NPAS3: variants seen among roughly 807,000 people sequenced by gnomAD.
The protein encoded by NPAS3 is neuronal PAS domain protein 3, also known as neuronal PAS domain-containing protein 3.
Under a neutral mutation model 73.1 loss-of-function variants are expected in NPAS3, and 14 were observed. The observed-to-expected ratio is 0.19, with a 90% CI of 0.13 to 0.30. The LOEUF (loss-of-function observed/expected upper bound fraction) is 0.30. Ranked by LOEUF, NPAS3 falls within the 10% of genes least tolerant of loss-of-function variation. The pLI is 1.00. For synonymous variants in NPAS3, 620 were observed against 541.5 expected (o/e 1.14, Z -2.01); for missense variants, 1,096 against 1,250.0 (o/e 0.88, Z 1.86).
intron 4 of NPAS3, among the ~76,000 whole-genome samples, chr14:33,416,475 C>T (rs1447947532): frequency 1.3e-5 from 2 of 151,582 alleles, no homozygotes; most frequent in Admixed American, 1.3e-4. Context: ...ACACAAATAA[C>T]ATAGGAAAGC....
At chr14:33,355,916 T>C (rs2045317900) in intron 3 of NPAS3, among the ~76,000 whole-genome samples, 1 of 152,240 alleles carries the variant, frequency 6.6e-6, no homozygotes, top group Non-Finnish European at 1.5e-5. Flanking sequence ...GTTGCTATTA[T>C]TGTTGTCGTC....
chr14:32,949,949 T>G (rs1196921602), intron 1 of NPAS3, among the ~76,000 whole-genome samples: 1 of 152,042 alleles, frequency 6.6e-6, no homozygotes, highest in Non-Finnish European at 1.5e-5. Context: ...GAAGAGATTT[T>G]GGAATTTTTG....
At chr14:33,760,565 A>T (rs946394910) in intron 7 of NPAS3, among the ~76,000 whole-genome samples, 3 of 152,164 alleles carry the variant, frequency 2.0e-5, no homozygotes, top group African/African-American at 7.2e-5. Flanking sequence ...AGTAGTTCAT[A>T]CATCTGTCAT....
chr14:33,338,081 T>C (rs962453620), intron 3 of NPAS3, among the ~76,000 whole-genome samples: 13 of 152,108 alleles, frequency 8.5e-5, no homozygotes, highest in Non-Finnish European at 1.8e-4. Context: ...TCTTGCCTTA[T>C]TACATTGGTT....
chr14:33,260,522 C>T lies in NPAS3; in HGVS notation c.385+45096C>T, dbSNP rs145988263. 4.4e-3 allele frequency among the ~76,000 whole-genome samples: 670 copies of T among 152,250 alleles called. 3 individuals are homozygous for T. Among genetic ancestry groups the T allele is most frequent in the African/African-American group, 0.015 (638 of 41,560 alleles). The stretch of plus-strand genomic sequence containing the variant: ...TTTTTCTTTTCTTCCAAGTAGATTG[C>T]CTCTTCAGTTTTCTGCTGCTACTTT... On this transcript the variant is annotated intron_variant, in intron 3 of 11. Transcript: ENST00000356141.
intron 9 of NPAS3, among the ~76,000 whole-genome samples, chr14:33,784,189 T>C (rs142964136): frequency 2.6e-5 from 4 of 152,356 alleles, no homozygotes; most frequent in African/African-American, 7.2e-5. Context: ...CTTTCCTGTG[T>C]ACTTGACTGT....
intron 2 of NPAS3, among the ~76,000 whole-genome samples, chr14:33,187,929 T>C (rs1261801628): frequency 1.3e-5 from 2 of 152,194 alleles, no homozygotes; most frequent in African/African-American, 2.4e-5. Flanking sequence ...GAAATTAGGA[T>C]GCCTTACTTT....
chr14:33,417,038 G>A (rs2048174656), intron 4 of NPAS3, among the ~76,000 whole-genome samples: 1 of 151,962 alleles, frequency 6.6e-6, no homozygotes, highest in East Asian at 1.9e-4. Flanking sequence ...TAGGGAAACG[G>A]TGCTAAAAGT....
At chr14:32,940,160 C>T (rs982937531) in intron 1 of NPAS3, among the ~76,000 whole-genome samples, 1 of 152,240 alleles carries the variant, frequency 6.6e-6, no homozygotes, top group Non-Finnish European at 1.5e-5. Context: ...ATCTATGCCC[C>T]GTTAGTTACT....
chr14:33,252,125 G>GT (rs944415216), intron 3 of NPAS3, among the ~76,000 whole-genome samples: 2 of 149,844 alleles, frequency 1.3e-5, no homozygotes, highest in Non-Finnish European at 3.0e-5. Flanking sequence ...CCACTTCTGT[G>GT]TTTTTTTAAA....
At chr14:33,657,901 T>C (rs995989820) in intron 5 of NPAS3, among the ~76,000 whole-genome samples, 1 of 152,208 alleles carries the variant, frequency 6.6e-6, no homozygotes, top group Non-Finnish European at 1.5e-5. Context: ...CAGGAAGCGA[T>C]AGAAATGCCA....
At chr14:33,348,495 G>T (rs989445465) in intron 3 of NPAS3, among the ~76,000 whole-genome samples, 1 of 152,106 alleles carries the variant, frequency 6.6e-6, no homozygotes, top group Admixed American at 6.5e-5. Flanking sequence ...CCCCTCATTT[G>T]GAAACTATTA....
chr14:33,507,261 G>A (rs1472592669), intron 4 of NPAS3, among the ~76,000 whole-genome samples: 1 of 152,032 alleles, frequency 6.6e-6, no homozygotes, highest in Non-Finnish European at 1.5e-5. Context: ...TAATGGAGGA[G>A]AAATGTCTCG....
chr14:33,366,254 C>T (rs1390834397), intron 3 of NPAS3, among the ~76,000 whole-genome samples: 1 of 151,572 alleles, frequency 6.6e-6, no homozygotes, highest in Non-Finnish European at 1.5e-5. Flanking sequence ...CTCAATTATA[C>T]TCCATTAAAT....
At chr14:33,625,667 G>A (rs747873553) in intron 5 of NPAS3, among the ~76,000 whole-genome samples, 1 of 152,204 alleles carries the variant, frequency 6.6e-6, no homozygotes, top group Non-Finnish European at 1.5e-5. Flanking sequence ...AGAGATTGAT[G>A]TTATAAACTA....
chr14:33,225,257 T>C (rs2047585402), intron 3 of NPAS3, among the ~76,000 whole-genome samples: 1 of 152,364 alleles, frequency 6.6e-6, no homozygotes, highest in Middle Eastern at 3.4e-3. Context: ...GAGTCATACA[T>C]AAGTTTTCTT....
At chr14:33,726,887 A>G (rs1160931870) in intron 6 of NPAS3, among the ~76,000 whole-genome samples, 1 of 152,182 alleles carries the variant, frequency 6.6e-6, no homozygotes, top group East Asian at 1.9e-4. Flanking sequence ...TAGAAGGTGC[A>G]CGCTCAGTCC....
At chr14:33,214,300 AATGT>A (rs1308602746) in intron 2 of NPAS3, 8 of 152,308 alleles carry the variant, frequency 5.3e-5, no homozygotes, top group Non-Finnish European at 7.4e-5. Context: ...TGCCCTCAGC[AATGT>A]GAGCAAACTT....
At chr14:33,586,910 T>C (rs1188474386) in intron 5 of NPAS3, among the ~76,000 whole-genome samples, 4 of 152,106 alleles carry the variant, frequency 2.6e-5, no homozygotes, top group Admixed American at 2.6e-4. Context: ...TTGGAGAATA[T>C]AGAGTTTGGG....
Sources: allele counts gnomAD v4.1 joint callset (sites outside exome capture counted in the v4.1 genomes callset), GRCh38; gene constraint gnomAD v4.1.1; transcripts MANE v1.5; gene names NCBI Gene and HGNC (gene_info 2026-07-23, HGNC 2026-07-21).